AK8: variants seen among roughly 807,000 people sequenced by gnomAD.
AK8 encodes the protein adenylate kinase 8.
A neutral mutation model predicts 54.6 loss-of-function variants in AK8; 44 were observed. That is an observed-to-expected ratio of 0.81 (90% CI 0.63 to 1.04). The LOEUF is 1.04. AK8 is among the 50% of genes least tolerant of loss of function. The probability of loss-of-function intolerance (pLI) is 0.00; values close to 1 mark genes in which losing one functional copy is unlikely to be tolerated. For missense variants in AK8, 555 were observed against 613.6 expected (o/e 0.90, Z 1.01); for synonymous variants, 239 against 245.6 (o/e 0.97, Z 0.25).
chr9:132,784,198 G>A (rs539387880), intron 11 of AK8, among the ~76,000 whole-genome samples: 1 of 152,282 alleles, frequency 6.6e-6, no homozygotes, highest in South Asian at 2.1e-4. Flanking sequence ...GAGAGACAGA[G>A]AGATCTCCCG....
intron 11 of AK8, among the ~76,000 whole-genome samples, chr9:132,788,869 A>C (rs1839828252): frequency 6.6e-6 from 1 of 152,270 alleles, no homozygotes; most frequent in South Asian, 2.1e-4. Context: ...AAAGCACAAG[A>C]ATGTGGAAAA....
chr9:132,864,251 G>A (rs1223837478), intron 3 of AK8, among the ~76,000 whole-genome samples: 2 of 152,196 alleles, frequency 1.3e-5, no homozygotes, highest in East Asian at 3.8e-4. Context: ...TAAGGGAAGA[G>A]TAAATTTTAA....
intron 10 of AK8, among the ~76,000 whole-genome samples, chr9:132,810,971 G>C (rs896847707): frequency 6.6e-6 from 1 of 152,168 alleles, no homozygotes; most frequent in Admixed American, 6.5e-5. Flanking sequence ...ACTGGAAAAT[G>C]GGCAAAGGGA....
At chr9:132,867,731 TAGGCCTGTAACCTGGGGCA>T (rs2131425450) in intron 2 of AK8, among the ~76,000 whole-genome samples, 1 of 152,362 alleles carries the variant, frequency 6.6e-6, no homozygotes, top group East Asian at 1.9e-4. Context: ...TTCTCTGTTC[TAGGCCTGTAACCTGGGGCA>T]AGGCCTCCCA....
At chr9:132,828,851 A>G (rs1841989920) in intron 5 of AK8, 125 bp from the exon 6 acceptor site, 4 of 604,664 alleles carry the variant, frequency 6.6e-6, no homozygotes, top group Non-Finnish European at 1.1e-5. Context: ...AATGTTTCTG[A>G]TAGCTACCTC....
intron 11 of AK8, among the ~76,000 whole-genome samples, chr9:132,728,650 C>T (rs1217878715): frequency 6.6e-6 from 1 of 152,152 alleles, no homozygotes; most frequent in Non-Finnish European, 1.5e-5. Context: ...CTTCCCCTGT[C>T]CTCCTTGGAG....
intron 9 of AK8, among the ~76,000 whole-genome samples, chr9:132,821,833 ATGTG>A (rs1841658681): frequency 9.1e-6 from 1 of 110,006 alleles, no homozygotes; most frequent in Non-Finnish European, 1.8e-5. Context: ...ATATACATAT[ATGTG>A]TATGTATATA....
At chr9:132,846,407 A>T (rs1435896497) in intron 5 of AK8, among the ~76,000 whole-genome samples, 6 of 152,198 alleles carry the variant, frequency 3.9e-5, no homozygotes, top group African/African-American at 1.4e-4. Flanking sequence ...TCTCTCCATG[A>T]CTAGAACTTC....
At position 132,828,751 on chromosome 9, in the gene AK8, C is replaced by G. The variant is rs1393208805; in HGVS notation, c.403-25G>C. The stretch of plus-strand genomic sequence containing the variant: ...CCTAGACAGAAGATTCAGAGAGGTG[C>G]TCATCTGTTTTGAGTTTTAGATTTT... On this transcript the variant is annotated intron_variant, in intron 5 of 12. Coordinates refer to ENST00000298545, the MANE Select transcript of AK8 (RefSeq NM_152572.3). 1.1e-5 allele frequency: 17 copies of G among 1,566,610 alleles called. No homozygotes were observed. The Admixed American group carries it at 3.0e-4, about 28-fold the overall frequency.
At chr9:132,815,384 T>C (rs1375772032) in intron 9 of AK8, among the ~76,000 whole-genome samples, 1 of 151,982 alleles carries the variant, frequency 6.6e-6, no homozygotes, top group Non-Finnish European at 1.5e-5. Context: ...TGAAAATCCG[T>C]TTCTACTAAA....
At chr9:132,761,704 TTTA>T (rs752353954) in intron 11 of AK8, among the ~76,000 whole-genome samples, 6 of 152,200 alleles carry the variant, frequency 3.9e-5, no homozygotes, top group Non-Finnish European at 7.3e-5. Flanking sequence ...TGTTACTATA[TTTA>T]TTATCAAAAT....
chr9:132,875,230 T>A (rs778477560), intron 1 of AK8, 31 bp from the exon 2 acceptor site: 1 of 1,612,476 alleles, frequency 6.2e-7, no homozygotes, highest in African/African-American at 1.3e-5. Context: ...CCCAGGTGGT[T>A]AATACCTGCA....
chr9:132,826,177 T>C lies in AK8; in HGVS notation c.757+677A>G, dbSNP rs1841860362. ...CTACGCCTGGGAGGAGGGCACAAGT[T>C]TTGTTCCTATTTTAGCGATGCCAAA... On this transcript the variant is annotated intron_variant, in intron 8 of 12. Transcript: ENST00000298545. This position sits in a 1 kb window ranked among gnomAD's most constrained non-coding sequence, Gnocchi z 4.5. 6.6e-6 allele frequency among the ~76,000 whole-genome samples: 1 copy of C among 152,112 alleles called. No homozygotes were observed. Among genetic ancestry groups the C allele is most frequent in the Non-Finnish European group, 1.5e-5 (1 of 68,014 alleles).
chr9:132,816,354 CAAA>C (rs35474843), intron 9 of AK8, among the ~76,000 whole-genome samples: 1 of 91,080 alleles, frequency 1.1e-5, no homozygotes, highest in Admixed American at 1.3e-4. Context: ...GACTTTGTCT[CAAA>C]AAAAAAAAAA....
chr9:132,772,385 TTAAAAGGGCCC>T (rs1839022741), intron 11 of AK8, among the ~76,000 whole-genome samples: 1 of 152,106 alleles, frequency 6.6e-6, no homozygotes, highest in Non-Finnish European at 1.5e-5. Context: ...GGTGGTTAAG[TTAAAAGGGCCC>T]TAAAAGGTGG....
chr9:132,787,152 A>AG (rs1242063170), intron 11 of AK8, among the ~76,000 whole-genome samples: 7 of 152,182 alleles, frequency 4.6e-5, no homozygotes, highest in Non-Finnish European at 1.0e-4. Flanking sequence ...TTAGAAGCCC[A>AG]GTCCTGAAGA....
chr9:132,733,297 AC>A (rs929237448), intron 11 of AK8, among the ~76,000 whole-genome samples: 12 of 151,330 alleles, frequency 7.9e-5, no homozygotes, highest in African/African-American at 2.7e-4. Context: ...TTCATCCCTG[AC>A]GCTGTGAACA....
chr9:132,733,272 G>A (rs955535044), intron 11 of AK8, among the ~76,000 whole-genome samples: 1 of 151,608 alleles, frequency 6.6e-6, no homozygotes, highest in Non-Finnish European at 1.5e-5. Flanking sequence ...AGGGAGTGCA[G>A]GTGTCGCAGC....
chr9:132,854,376 C>T (rs1408777800), intron 5 of AK8, among the ~76,000 whole-genome samples: 1 of 152,216 alleles, frequency 6.6e-6, no homozygotes, highest in East Asian at 1.9e-4. Context: ...TGAGCCCTCC[C>T]CTGCCCTCTC....
Sources: gnomAD v4.1 joint callset for allele counts (sites outside exome capture counted in the v4.1 genomes callset) on GRCh38, gnomAD v4.1.1 for gene constraint, Gnocchi (gnomAD v3.1) non-coding constraint, MANE v1.5 for transcripts, NCBI Gene and HGNC (gene_info 2026-07-23, HGNC 2026-07-21) for gene names.